Variants in CSNK1E observed in about 807,000 individuals in gnomAD.
The protein encoded by CSNK1E is casein kinase I isoform epsilon.
In CSNK1E, 17 loss-of-function variants were observed where a neutral mutation model predicts 46.1. The ratio of observed to expected loss-of-function variants is 0.37; its 90% confidence interval spans 0.25 to 0.55. CSNK1E has a LOEUF of 0.55. CSNK1E is among the 20% of genes least tolerant of loss of function. CSNK1E has a pLI of 0.82. For missense variants in CSNK1E, 386 were observed against 595.4 expected, an observed-to-expected ratio of 0.65 and a Z score of 3.66; for synonymous variants, 241 against 242.6, an observed-to-expected ratio of 0.99 and a Z score of 0.06.
chr22:38,297,564 G>T, intron 7 of CSNK1E: 1 of 1,004,662 alleles, frequency 1.0e-6, no homozygotes, highest in Non-Finnish European at 1.2e-6. Context: ...ATCTAGCAGG[G>T]TGGCTGAGGG....
intron 7 of CSNK1E, among the ~76,000 whole-genome samples, chr22:38,297,431 G>A (rs931867656): frequency 6.6e-6 from 1 of 152,242 alleles, no homozygotes; most frequent in South Asian, 2.1e-4. Context: ...TAGCCTGCGA[G>A]ACCCCCATTC....
chr22:38,296,582 G>A (rs1278309941), intron 7 of CSNK1E: 3 of 1,612,868 alleles, frequency 1.9e-6, no homozygotes, highest in Admixed American at 3.3e-5. Flanking sequence ...CAAAGGATAA[G>A]GCTGTGGGTG....
At chr22:38,296,913 T>C (rs2145830732) in intron 7 of CSNK1E, 1 of 614,858 alleles carries the variant, frequency 1.6e-6, no homozygotes, top group East Asian at 2.8e-5. Context: ...CAGCTGGGAT[T>C]ACAGGAACAC....
rs984308397 is a variant in CSNK1E, at chr22:38,309,611, C to T, written c.76+4471G>A. Among the ~76,000 whole-genome samples the T allele has an allele frequency of 1.6e-4, 24 of 152,204 alleles. No individual in the cohort carries two copies. The East Asian group carries it at 4.1e-3, about 26-fold the overall frequency. ...CTGGGATTACAAGCAGACACCACCA[C>T]GCCTGGCTAATTTTTGTATTATTAG... On this transcript the variant is annotated intron_variant, in intron 2 of 10. Transcript: ENST00000396832. This position sits in a 1 kb window ranked among gnomAD's most constrained non-coding sequence, Gnocchi z 4.8.
At chr22:38,295,709 T>C (rs1487546543) in intron 7 of CSNK1E, among the ~76,000 whole-genome samples, 1 of 152,220 alleles carries the variant, frequency 6.6e-6, no homozygotes, top group Admixed American at 6.5e-5. Flanking sequence ...CTCTGCCACC[T>C]AGTCCCACTC....
rs1210047734 is a variant in CSNK1E, at chr22:38,298,696, C to A, written c.885+90G>T. On this transcript the variant is annotated intron_variant, in intron 7 of 10. Transcript: ENST00000396832. This position sits in a 1 kb window ranked among gnomAD's most constrained non-coding sequence, Gnocchi z 4.2. ...GCTCGTACCTCCCGTCTGTCGGGAG[C>A]CCCTCCCGCCACCAGCTCACTCTGG... 1.5e-5 allele frequency: 22 copies of A among 1,474,390 alleles called. 1 individual carries two copies. In the East Asian group the frequency reaches 4.8e-4, roughly 32 times the overall value. 91.3% of individuals were successfully genotyped at this position (1,474,390 alleles called of 1,614,324 possible). A position where few individuals can be genotyped will look rare whatever the true frequency, so the allele number is the denominator to read the frequency against.
At chr22:38,305,799 G>A (rs1224174357) in intron 2 of CSNK1E, among the ~76,000 whole-genome samples, 1 of 152,054 alleles carries the variant, frequency 6.6e-6, no homozygotes. Context: ...CAAGACTGTG[G>A]GGGCGCTGAG....
Position 38,300,873 on chromosome 22 carries a change from C to T in CSNK1E, c.416G>A (p.Gly139Glu). 6.2e-7 allele frequency: 1 copy of T among 1,614,210 alleles called. No homozygotes were observed. Among genetic ancestry groups the T allele is most frequent in the Admixed American group, 1.7e-5 (1 of 60,024 alleles). The change falls in exon 5 of 11, where the codon GGG becomes GAG. Residue 139 changes from glycine (G) to glutamate (E), a missense_variant. By Grantham distance (98) the Gly-to-Glu change is moderately conservative. Transcript: ENST00000396832. The surrounding 1 kb of genome is among the most constrained non-coding windows in gnomAD (Gnocchi z 4.4). ...GATGTAGACCAGGTTGCCCTTCTTCCCCAGCCCCATGAGGAAGTTGTCGGG... is the reference window on the plus strand; with the variant it reads ...GATGTAGACCAGGTTGCCCTTCTTCTCCAGCCCCATGAGGAAGTTGTCGGG... ...VKPDNFLMGL[G>E]KKGNLVYIID...
intron 2 of CSNK1E, among the ~76,000 whole-genome samples, chr22:38,308,904 G>A (rs928842289): frequency 1.3e-5 from 2 of 152,152 alleles, no homozygotes; most frequent in Non-Finnish European, 2.9e-5. Context: ...GCAGGGAAGA[G>A]ATCTGAAGGG....
intron 9 of CSNK1E, among the ~76,000 whole-genome samples, 179 bp from the exon 10 acceptor site, chr22:38,293,498 T>A (rs761433082): frequency 2.3e-4 from 35 of 150,910 alleles, no homozygotes; most frequent in Non-Finnish European, 4.4e-4. Flanking sequence ...GTGATTCCAG[T>A]GACTCTAAGA....
Position 38,298,628 on chromosome 22 carries a change from C to A in CSNK1E, c.885+158G>T. On this transcript the variant is annotated intron_variant, in intron 7 of 10. Transcript: ENST00000396832. The surrounding 1 kb of genome is among the most constrained non-coding windows in gnomAD (Gnocchi z 4.2). ...GCACAAGCTGTCAGCACGGATGAGG[C>A]TGGAGGGCTCTGGGACCCCAGTGAG... 1.2e-6 allele frequency: 1 copy of A among 806,650 alleles called. No individual in the cohort carries two copies. Among genetic ancestry groups the A allele is most frequent in the Non-Finnish European group, 2.0e-6 (1 of 499,932 alleles). The allele number at this position is 806,650 out of a possible 1,614,324, so 50.0% of individuals were successfully genotyped here. A position where few individuals can be genotyped will look rare whatever the true frequency, so the allele number is the denominator to read the frequency against.
chr22:38,292,464 T>C (rs1228003103), intron 10 of CSNK1E: 1 of 151,994 alleles, frequency 6.6e-6, no homozygotes, highest in Non-Finnish European at 1.5e-5. Context: ...CAGCCCGCCA[T>C]GGACAGCTTG....
At position 38,294,384 on chromosome 22, in the gene CSNK1E, C is replaced by T. The variant is rs1310357040; in HGVS notation, c.1036G>A (p.Glu346Lys). 5 of 1,557,686 alleles carry T rather than the reference C, an allele frequency of 3.2e-6. No homozygotes were observed. Among genetic ancestry groups the T allele is most frequent in the African/African-American group, 1.4e-5 (1 of 73,738 alleles). The change falls in exon 8 of 11, where the codon GAG becomes AAG. Residue 346 changes from glutamate to lysine, a missense_variant. Physicochemically the swap from Glu to Lys is moderately conservative, Grantham distance 56. This residue lies in a region of CSNK1E where 174 missense variants were observed against 185.2 expected (regional missense o/e 0.94). Transcript: ENST00000396832. This position sits in a 1 kb window ranked among gnomAD's most constrained non-coding sequence, Gnocchi z 5.5. The stretch of plus-strand genomic sequence containing the variant: ...GAGGCTGGCGTGGAAGCCACGGGCT[C>T]GGCGGCACTGCGGAGCCGGTTGGCA... ...ATANRLRSAAEPVASTPASRI... is the reference protein window; with the variant it reads ...ATANRLRSAAKPVASTPASRI...
Position 38,303,394 on chromosome 22 carries a change from G to A in CSNK1E, c.77-146C>T, listed in dbSNP as rs2092683847. The A allele has an allele frequency of 3.0e-6, 2 of 675,830 alleles. No individual in the cohort carries two copies. The highest frequency in any genetic ancestry group is 4.9e-6 in the Non-Finnish European group (2 of 406,170). The allele number at this position is 675,830 out of a possible 1,614,324, so 41.9% of individuals were successfully genotyped here. On this transcript the variant is annotated intron_variant, in intron 2 of 10. Transcript: ENST00000396832. The surrounding 1 kb of genome is among the most constrained non-coding windows in gnomAD (Gnocchi z 4.7). Reference sequence around the variant, plus strand: ...GAGCTCTTGGGGGAGGCTGGGAAGGGGGCAAAGGAGCCCCGGCAAAGGGTT... The same window carrying A: ...GAGCTCTTGGGGGAGGCTGGGAAGGAGGCAAAGGAGCCCCGGCAAAGGGTT...
chr22:38,310,422 G>A (rs1029435410), intron 2 of CSNK1E, among the ~76,000 whole-genome samples: 4 of 152,124 alleles, frequency 2.6e-5, no homozygotes, highest in Admixed American at 6.5e-5. Context: ...GGACACAATC[G>A]GGGACATGGG....
At chr22:38,299,015 C>T in intron 6 of CSNK1E, 81 bp from the exon 7 acceptor site, 1 of 1,499,118 alleles carries the variant, frequency 6.7e-7, no homozygotes, top group East Asian at 2.3e-5. Flanking sequence ...CTGTCCTAGC[C>T]ACCCACTGTC....
chr22:38,293,767 AGGGGCTCCTG>A (rs2092624459), intron 9 of CSNK1E: 3 of 402,648 alleles, frequency 7.5e-6, no homozygotes, highest in East Asian at 4.3e-5. Context: ...CAATGCTCAC[AGGGGCTCCTG>A]GGGGCTCCCT....
intron 7 of CSNK1E, chr22:38,296,273 C>G (rs533265593): frequency 4.1e-6 from 5 of 1,206,532 alleles, no homozygotes; most frequent in Non-Finnish European, 5.2e-6. Context: ...AGCATCCACC[C>G]GTCATCATAT....
In CSNK1E at chr22:38,309,937, G is replaced by A. The variant is rs780422764; in HGVS notation, c.76+4145C>T. 9.2e-5 allele frequency among the ~76,000 whole-genome samples: 14 copies of A among 152,298 alleles called. No homozygotes were observed. Among genetic ancestry groups the A allele is most frequent in the Non-Finnish European group, 1.9e-4 (13 of 68,026 alleles). On this transcript the variant is annotated intron_variant, in intron 2 of 10. Coordinates refer to ENST00000396832, the MANE Select transcript of CSNK1E (RefSeq NM_152221.3). This position sits in a 1 kb window ranked among gnomAD's most constrained non-coding sequence, Gnocchi z 4.8. ...AGGTCCTGCCACCAATGAGTTCCTT[G>A]GTGGCCTCTAAATTCTATCAGGAAG...
Sources: allele counts gnomAD v4.1 joint callset (sites outside exome capture counted in the v4.1 genomes callset), GRCh38; gene constraint gnomAD v4.1.1; regional missense constraint gnomAD v4.1.1; non-coding constraint Gnocchi (gnomAD v3.1); transcripts MANE v1.5; gene names NCBI Gene and HGNC (gene_info 2026-07-23, HGNC 2026-07-21).